Variants in IFT122 observed in about 807,000 individuals in gnomAD.
The protein encoded by IFT122 is intraflagellar transport protein 122 homolog.
Under a neutral mutation model 161.6 loss-of-function variants are expected in IFT122, and 118 were observed. The observed-to-expected ratio is 0.73, with a 90% CI of 0.63 to 0.85. The LOEUF is 0.85. Among genes scored for constraint, IFT122 ranks in the 40% least tolerant of loss-of-function variants. The pLI, the probability that IFT122 is intolerant of heterozygous loss-of-function variation, is 0.00. For missense variants in IFT122, 1,381 were observed against 1,579.6 expected (o/e 0.87, Z 2.13); for synonymous variants, 550 against 602.4 (o/e 0.91, Z 1.27).
At chr3:129,468,298 A>G (rs1184036274) in intron 8 of IFT122, among the ~76,000 whole-genome samples, 1 of 152,166 alleles carries the variant, frequency 6.6e-6, no homozygotes, top group East Asian at 1.9e-4. Context: ...ATAAACAAAG[A>G]GGCAACATTA....
At chr3:129,507,170 G>T (rs995003333) in intron 22 of IFT122, among the ~76,000 whole-genome samples, 31 of 152,342 alleles carry the variant, frequency 2.0e-4, no homozygotes, top group African/African-American at 7.0e-4. Context: ...TGGTTGCTGG[G>T]AGCCTCACAG....
intron 3 of IFT122, among the ~76,000 whole-genome samples, chr3:129,452,700 C>G (rs761057537): frequency 6.6e-6 from 1 of 152,102 alleles, no homozygotes; most frequent in Non-Finnish European, 1.5e-5. Context: ...GATTCTCAGT[C>G]AAAATGGAAC....
intron 23 of IFT122, among the ~76,000 whole-genome samples, chr3:129,509,965 C>T (rs770507091): frequency 1.3e-5 from 2 of 152,202 alleles, no homozygotes; most frequent in African/African-American, 2.4e-5. Context: ...TGGAAGAGTA[C>T]CTAGCACAGA....
intron 18 of IFT122, among the ~76,000 whole-genome samples, chr3:129,496,890 T>G (rs2080918867): frequency 6.6e-6 from 1 of 152,152 alleles, no homozygotes; most frequent in African/African-American, 2.4e-5. Context: ...AAATTTTAAC[T>G]CAGGATGAAC....
In IFT122 at chr3:129,455,451, G is replaced by A. The variant is rs562564072; in HGVS notation, c.194-3148G>A. On this transcript the variant is annotated intron_variant, in intron 3 of 29. Coordinates refer to ENST00000348417, the MANE Select transcript of IFT122 (RefSeq NM_052989.3). ...CTCCCAAAGTGCTGGGATTACAGGC[G>A]TGAACCACCATGCCTGGCCCAAGTT... Among the ~76,000 whole-genome samples the A allele has an allele frequency of 1.9e-3, 287 of 152,168 alleles. 2 individuals carry two copies. The highest frequency in any genetic ancestry group is 6.4e-3 in the African/African-American group (264 of 41,538).
intron 20 of IFT122, chr3:129,503,942 G>C (rs1293859241): frequency 2.9e-6 from 1 of 343,222 alleles, no homozygotes; most frequent in African/African-American, 2.1e-5. Flanking sequence ...CTGATAAGAA[G>C]TGGTGATGAT....
At position 129,469,180 on chromosome 3, in the gene IFT122, T is replaced by G. The variant is rs2285350; in HGVS notation, c.741-162T>G. On this transcript the variant is annotated intron_variant, in intron 8 of 29. Coordinates refer to ENST00000348417, the MANE Select transcript of IFT122 (RefSeq NM_052989.3). ...ACTCTGCTTCATCCCGTAAGACTGA[T>G]TGATGGGTTGGGCCAAATTATAACT... Among the ~76,000 whole-genome samples the G allele has an allele frequency of 0.13, 20,201 of 152,224 alleles. 1,716 individuals carry two copies. Among genetic ancestry groups the G allele is most frequent in the South Asian group, 0.24 (1,160 of 4,824 alleles).
At chr3:129,460,776 A>C (rs996439067) in intron 4 of IFT122, 1 of 1,137,810 alleles carries the variant, frequency 8.8e-7, no homozygotes, top group African/African-American at 1.6e-5. Flanking sequence ...GTGAAGGACT[A>C]AAACGGGTTG....
intron 23 of IFT122, 129 bp from the exon 24 acceptor site, chr3:129,512,183 G>A (rs2108628537): frequency 2.6e-6 from 2 of 770,272 alleles, no homozygotes; most frequent in Non-Finnish European, 2.4e-6. Context: ...GCACACAGTA[G>A]GAGTAGGTGC....
Position 129,517,449 on chromosome 3 carries a change from C to T in IFT122, c.3266-20C>T. 6.2e-7 allele frequency: 1 copy of T among 1,612,760 alleles called. No individual in the cohort carries two copies. Among genetic ancestry groups the T allele is most frequent in the Non-Finnish European group, 8.5e-7 (1 of 1,179,186 alleles). On this transcript the variant is annotated intron_variant, in intron 26 of 29. Coordinates refer to ENST00000348417, the MANE Select transcript of IFT122 (RefSeq NM_052989.3). ...TTGCAAGGCCTCCAGCCCCCTCAGC[C>T]CTTTCTCTATGCCCTCCAGACGTGC...
intron 9 of IFT122, among the ~76,000 whole-genome samples, chr3:129,475,711 G>A (rs1352215906): frequency 6.6e-6 from 1 of 152,152 alleles, no homozygotes; most frequent in Non-Finnish European, 1.5e-5. Context: ...CTACTTAGGA[G>A]GCTGAGGCAG....
rs755306761 is a variant in IFT122 at position 129,504,409 on chromosome 3, G to A, written c.2638G>A (p.Glu880Lys). 1.2e-6 allele frequency: 2 copies of A among 1,613,664 alleles called. No individual in the cohort carries two copies. The highest frequency in any genetic ancestry group is 2.2e-5 in the South Asian group (2 of 91,076). Residue 880 changes from glutamate (E) to lysine (K), a missense_variant, in exon 21 of 30, where the codon GAA (glutamate) becomes AAA (lysine). Physicochemically the swap from Glu to Lys is moderately conservative, Grantham distance 56. Transcript: ENST00000348417. ...GCTAGCAGAGAACGATCGCTTTGAG[G>A]AAGCCCAGAAAGGTAGGCAACACAG... ...QWLAENDRFE[E>K]AQKAFHKAGR...
chr3:129,472,989 T>TA (rs2077523665), intron 9 of IFT122, among the ~76,000 whole-genome samples: 1 of 152,214 alleles, frequency 6.6e-6, no homozygotes, highest in African/African-American at 2.4e-5. Flanking sequence ...TAATCATAGT[T>TA]ATAATAACTG....
intron 3 of IFT122, among the ~76,000 whole-genome samples, chr3:129,455,591 T>C (rs1208942796): frequency 6.6e-6 from 1 of 152,098 alleles, no homozygotes; most frequent in Non-Finnish European, 1.5e-5. Context: ...TTTTTTTAAT[T>C]CTATTCCAGG....
intron 1 of IFT122, among the ~76,000 whole-genome samples, chr3:129,447,425 T>C (rs1482116832): frequency 6.6e-6 from 1 of 152,196 alleles, no homozygotes. Context: ...AAGGAATGTC[T>C]GGGTTAAGAT....
chr3:129,498,996 G>T (rs888897226), intron 18 of IFT122, among the ~76,000 whole-genome samples: 1 of 152,224 alleles, frequency 6.6e-6, no homozygotes, highest in African/African-American at 2.4e-5. Context: ...CAGAGAAGCT[G>T]GGCATACCAC....
At chr3:129,465,637 ATT>A (rs774334400) in intron 7 of IFT122, among the ~76,000 whole-genome samples, 9 of 109,378 alleles carry the variant, frequency 8.2e-5, no homozygotes, top group Admixed American at 1.8e-4. Context: ...CGCCTGGCTA[ATT>A]TTTTTTTTTT....
At chr3:129,480,959 A>G (rs907685725) in intron 13 of IFT122, among the ~76,000 whole-genome samples, 1 of 152,162 alleles carries the variant, frequency 6.6e-6, no homozygotes, top group African/African-American at 2.4e-5. Context: ...AGGCTGAGAT[A>G]GGAGGATCAC....
chr3:129,504,360 CA>C lies in IFT122; in HGVS notation c.2590del (p.Ile864SerfsTer9), dbSNP rs1437696264. 6.2e-7 allele frequency: 1 copy of C among 1,614,144 alleles called. No homozygotes were observed. Among genetic ancestry groups the C allele is most frequent in the South Asian group, 1.1e-5 (1 of 91,082 alleles). ...AGAAGCATCCTGAGTTTAAGGATGA[CA>C]TCTACATGCCGTATGCTCAGTGGCT... is the stretch of plus-strand genomic sequence containing the variant. The part of the protein sequence containing the change: ...GEKHPEFKDD[I>X]YMPYAQWLAE... On this transcript the variant is annotated frameshift_variant, in exon 21 of 30. Coordinates refer to ENST00000348417, the MANE Select transcript of IFT122 (RefSeq NM_052989.3). LOFTEE classifies it high-confidence loss of function.
Sources: gnomAD v4.1 joint callset for allele counts (sites outside exome capture counted in the v4.1 genomes callset) on GRCh38, gnomAD v4.1.1 for gene constraint, MANE v1.5 for transcripts, NCBI Gene and HGNC (gene_info 2026-07-23, HGNC 2026-07-21) for gene names.